CHMP2B: variants seen among roughly 807,000 people sequenced by gnomAD.
The protein encoded by CHMP2B is charged multivesicular body protein 2B, also known as VPS2 homolog B.
Under a neutral mutation model 29.8 loss-of-function variants are expected in CHMP2B, and 22 were observed. The observed-to-expected ratio is 0.74, with a 90% CI of 0.53 to 1.05. CHMP2B has a LOEUF of 1.05. Among genes scored for constraint, CHMP2B ranks in the 50% least tolerant of loss-of-function variants. The pLI is 0.00. For missense variants in CHMP2B, 261 were observed against 252.2 expected (o/e 1.03, Z -0.24); for synonymous variants, 78 against 75.8 (o/e 1.03, Z -0.15).
rs112568099 is a variant in CHMP2B at position 87,239,030 on chromosome 3, A to G, written c.35-1669A>G. Among the ~76,000 whole-genome samples, 1,263 of 152,234 alleles carry G rather than the reference A, an allele frequency of 8.3e-3. 12 individuals are homozygous for G. The highest frequency in any genetic ancestry group is 0.028 in the African/African-American group (1,146 of 41,552). Reference sequence around the variant, plus strand: ...ATTTTCTTTAGGACTAATGTTGTGGAGCACACTTTTTATGTGTTCATTGGC... The same window carrying G: ...ATTTTCTTTAGGACTAATGTTGTGGGGCACACTTTTTATGTGTTCATTGGC... On this transcript the variant is annotated intron_variant, in intron 1 of 5. Coordinates refer to ENST00000263780, the MANE Select transcript of CHMP2B (RefSeq NM_014043.4).
At chr3:87,227,700 T>G (rs938431428) in intron 1 of CHMP2B, 144 bp downstream of exon 1, 21 of 1,040,958 alleles carry the variant, frequency 2.0e-5, no homozygotes, top group Non-Finnish European at 2.9e-5. Flanking sequence ...GCGGCACCAC[T>G]TCTCTGCCTC....
At chr3:87,230,148 T>C (rs896657242) in intron 1 of CHMP2B, among the ~76,000 whole-genome samples, 7 of 152,166 alleles carry the variant, frequency 4.6e-5, no homozygotes, top group Admixed American at 3.9e-4. Context: ...AAGCTAATTA[T>C]GAACCTGTAA....
intron 1 of CHMP2B, chr3:87,240,434 C>T (rs1048937224): frequency 5.9e-5 from 20 of 340,246 alleles, no homozygotes; most frequent in African/African-American, 4.3e-4. Flanking sequence ...CCTCAGCCTA[C>T]CGAGTAGCTC....
intron 2 of CHMP2B, among the ~76,000 whole-genome samples, chr3:87,241,674 T>C (rs1214991820): frequency 1.3e-5 from 2 of 152,206 alleles, no homozygotes; most frequent in Admixed American, 1.3e-4. Flanking sequence ...ATTCAATTGT[T>C]TGAATATTTC....
At chr3:87,247,439 C>T (rs564374678) in intron 3 of CHMP2B, among the ~76,000 whole-genome samples, 4 of 152,284 alleles carry the variant, frequency 2.6e-5, no homozygotes, top group African/African-American at 9.6e-5. Context: ...CATTTTTTAT[C>T]AGTGAAATCA....
At chr3:87,234,115 A>G (rs1705956907) in intron 1 of CHMP2B, among the ~76,000 whole-genome samples, 1 of 152,136 alleles carries the variant, frequency 6.6e-6, no homozygotes, top group South Asian at 2.1e-4. Context: ...ATGAATGTCC[A>G]TATTTATACT....
intron 3 of CHMP2B, among the ~76,000 whole-genome samples, chr3:87,248,389 G>A (rs548579811): frequency 2.6e-5 from 4 of 151,354 alleles, no homozygotes; most frequent in African/African-American, 9.7e-5. Flanking sequence ...AGACAGTCTC[G>A]CTCTGTTGCC....
At chr3:87,232,341 C>T (rs950462751) in intron 1 of CHMP2B, among the ~76,000 whole-genome samples, 1 of 152,160 alleles carries the variant, frequency 6.6e-6, no homozygotes, top group African/African-American at 2.4e-5. Flanking sequence ...GAATACCCTT[C>T]AGAAACATTT....
chr3:87,227,798 TC>T (rs1575959947), intron 1 of CHMP2B, among the ~76,000 whole-genome samples: 1 of 152,358 alleles, frequency 6.6e-6, no homozygotes, highest in East Asian at 1.9e-4. Flanking sequence ...CCTCGGGTTT[TC>T]CTCAGCAGGA....
At chr3:87,252,450 C>T (rs2009663) in intron 4 of CHMP2B, among the ~76,000 whole-genome samples, 2 of 151,212 alleles carry the variant, frequency 1.3e-5, no homozygotes, top group Non-Finnish European at 3.0e-5. Flanking sequence ...TTCCTTCTTG[C>T]TTGTGTCCCT....
At chr3:87,231,767 A>G (rs1394158896) in intron 1 of CHMP2B, among the ~76,000 whole-genome samples, 1 of 152,144 alleles carries the variant, frequency 6.6e-6, no homozygotes, top group Non-Finnish European at 1.5e-5. Flanking sequence ...CCTTATGCCT[A>G]GAATTCCCTT....
chr3:87,253,286 G>T, intron 4 of CHMP2B, 118 bp from the exon 5 acceptor site: 2 of 691,804 alleles, frequency 2.9e-6, no homozygotes, highest in Non-Finnish European at 5.4e-6. Flanking sequence ...TTTTTAGTTT[G>T]TTCACTGAGT....
rs1374810840 is a variant in CHMP2B, at chr3:87,254,545, T to C, written c.*723T>C. 1 of 152,362 alleles carries C rather than the reference T, an allele frequency of 6.6e-6. No individual in the cohort carries two copies. The highest frequency in any genetic ancestry group is 6.6e-5 in the Admixed American group (1 of 15,202). The allele number at this position is 152,362 out of a possible 1,614,324, so 9.4% of individuals were successfully genotyped here. On this transcript the variant is annotated 3_prime_UTR_variant, in exon 6 of 6. Transcript: ENST00000263780. ...TTATCCTGGCTCTTTTCTATCTCTG[T>C]GGGCCTAATTGAAATATGTACTCTT...
At position 87,255,496 on chromosome 3, in the gene CHMP2B, C is replaced by A. The variant is rs569401355; in HGVS notation, c.*1674C>A. On this transcript the variant is annotated 3_prime_UTR_variant, in exon 6 of 6. Transcript: ENST00000263780. Reference sequence around the variant, plus strand: ...AAAGATTTATTATTGTTGTTCTTTTCTTACCTTTTTTGCTCTTTTTGGTTC... The same window carrying A: ...AAAGATTTATTATTGTTGTTCTTTTATTACCTTTTTTGCTCTTTTTGGTTC... 9.9e-5 allele frequency: 15 copies of A among 152,048 alleles called. No individual in the cohort carries two copies. The highest frequency in any genetic ancestry group is 3.4e-4 in the African/African-American group (14 of 41,386). 9.4% of individuals were successfully genotyped at this position (152,048 alleles called of 1,614,324 possible).
intron 2 of CHMP2B, among the ~76,000 whole-genome samples, chr3:87,243,359 A>G (rs771050190): frequency 6.6e-6 from 1 of 151,598 alleles, no homozygotes; most frequent in South Asian, 2.1e-4. Flanking sequence ...AAACATACTG[A>G]TTTGTAGTTT....
chr3:87,242,979 T>C (rs1327548100), intron 2 of CHMP2B, among the ~76,000 whole-genome samples: 1 of 152,136 alleles, frequency 6.6e-6, no homozygotes, highest in Non-Finnish European at 1.5e-5. Flanking sequence ...AAAGATCAGA[T>C]TTTGATTGGG....
chr3:87,253,309 A>G (rs1263149748), intron 4 of CHMP2B, 95 bp from the exon 5 acceptor site: 9 of 768,068 alleles, frequency 1.2e-5, no homozygotes, highest in Non-Finnish European at 1.9e-5. Context: ...GCCTTCTGTA[A>G]TATACAAAAT....
intron 1 of CHMP2B, among the ~76,000 whole-genome samples, chr3:87,232,905 C>T (rs1214425166): frequency 6.6e-6 from 1 of 152,180 alleles, no homozygotes; most frequent in African/African-American, 2.4e-5. Flanking sequence ...TCTTGAAAAC[C>T]AGTGGCATTT....
intron 3 of CHMP2B, among the ~76,000 whole-genome samples, chr3:87,248,162 G>A (rs765156107): frequency 6.6e-6 from 1 of 151,790 alleles, no homozygotes; most frequent in Non-Finnish European, 1.5e-5. Flanking sequence ...GCTGGGCGTG[G>A]TGGTGGGCAA....
Sources: gnomAD v4.1 joint callset for allele counts (sites outside exome capture counted in the v4.1 genomes callset) on GRCh38, gnomAD v4.1.1 for gene constraint, MANE v1.5 for transcripts, NCBI Gene and HGNC (gene_info 2026-07-23, HGNC 2026-07-21) for gene names.